Variants in UGT1A6 observed in about 807,000 individuals in gnomAD.
UGT1A6 encodes UDP-glucuronosyltransferase 1A6.
A neutral mutation model predicts 44.4 loss-of-function variants in UGT1A6; 32 were observed. The observed-to-expected ratio is 0.72, with a 90% confidence interval of 0.54 to 0.97. The LOEUF (loss-of-function observed/expected upper bound fraction) is 0.97, where lower values mean the gene tolerates loss of function less well. Among genes scored for constraint, UGT1A6 ranks in the 50% least tolerant of loss-of-function variants. The pLI, the probability that UGT1A6 is intolerant of heterozygous loss-of-function variation, is 0.00. For synonymous variants in UGT1A6, 238 were observed against 248.5 expected (o/e 0.96, Z 0.40); for missense variants, 685 against 661.9 (o/e 1.03, Z -0.38).
intron 1 of UGT1A6, among the ~76,000 whole-genome samples, chr2:233,706,759 A>G (rs1474943157): frequency 2.6e-5 from 4 of 152,188 alleles, no homozygotes; most frequent in Non-Finnish European, 5.9e-5. Flanking sequence ...AGTGCCGTAC[A>G]CTGGTATCCA....
At position 233,767,942 on chromosome 2, in the gene UGT1A6, T is replaced by A; in HGVS notation, c.1081+6T>A. On this transcript the variant is annotated splice_donor_region_variant and intron_variant, in intron 3 of 4. Transcript: ENST00000305139. ...ACCCCAAAACGATCTGCTTGGTATG[T>A]TGGGCGGATTGGATGTATAGGTCAA... is the stretch of plus-strand genomic sequence containing the variant. 1 of 1,614,210 alleles carries A rather than the reference T, an allele frequency of 6.2e-7. No individual in the cohort carries two copies. The highest frequency in any genetic ancestry group is 1.3e-5 in the African/African-American group (1 of 75,040).
At chr2:233,694,141 T>G (rs1331885877) in intron 1 of UGT1A6, among the ~76,000 whole-genome samples, 1 of 152,094 alleles carries the variant, frequency 6.6e-6, no homozygotes, top group African/African-American at 2.4e-5. Context: ...GAATGAGCCT[T>G]AGAAATGTCC....
Position 233,712,865 on chromosome 2 carries a change from G to A in UGT1A6, c.861+19000G>A, listed in dbSNP as rs575994883. The A allele has an allele frequency of 2.8e-4, 439 of 1,573,778 alleles. 3 individuals are homozygous for A. In the African/African-American group the frequency reaches 5.2e-3, roughly 19 times the overall value. On this transcript the variant is annotated intron_variant, in intron 1 of 4. Transcript: ENST00000305139. ...AACGGGTAATAAGTAACTGGAGGAGGGCACTCTGTCTTCAATTACATGTTG... is the reference window on the plus strand; with the variant it reads ...AACGGGTAATAAGTAACTGGAGGAGAGCACTCTGTCTTCAATTACATGTTG...
chr2:233,764,106 T>G (rs966057827), intron 1 of UGT1A6, among the ~76,000 whole-genome samples: 1 of 152,214 alleles, frequency 6.6e-6, no homozygotes, highest in Non-Finnish European at 1.5e-5. Flanking sequence ...AAATACAAAA[T>G]TCTTGGTAAA....
At chr2:233,714,225 G>T (rs1207260034) in intron 1 of UGT1A6, among the ~76,000 whole-genome samples, 1 of 152,186 alleles carries the variant, frequency 6.6e-6, no homozygotes, top group Non-Finnish European at 1.5e-5. Flanking sequence ...TTGCTGGCAA[G>T]ATTTTCAGTA....
At chr2:233,750,125 A>G (rs1331571759) in intron 1 of UGT1A6, among the ~76,000 whole-genome samples, 47 of 151,914 alleles carry the variant, frequency 3.1e-4, no homozygotes, top group Admixed American at 3.1e-3. Flanking sequence ...AAGATGTGGG[A>G]AAGTTTGGAA....
intron 1 of UGT1A6, among the ~76,000 whole-genome samples, chr2:233,757,321 C>G (rs1250382430): frequency 6.6e-6 from 1 of 150,460 alleles, no homozygotes; most frequent in Non-Finnish European, 1.5e-5. Context: ...GGCTGGGGCC[C>G]TGAAATGGGA....
rs1278012950 is a variant in UGT1A6, at chr2:233,718,882, G to C, written c.861+25017G>C. The stretch of plus-strand genomic sequence containing the variant: ...GCCACAGGACTGCTGCTCCTCCTCA[G>C]TGTCCAGCCCTGGGCTGAGAGTGGA... On this transcript the variant is annotated intron_variant, in intron 1 of 4. Coordinates refer to ENST00000305139, the MANE Select transcript of UGT1A6 (RefSeq NM_001072.4). 1 of 1,613,978 alleles carries C rather than the reference G, an allele frequency of 6.2e-7. No homozygotes were observed.
At chr2:233,758,762 G>A (rs1375846813) in intron 1 of UGT1A6, among the ~76,000 whole-genome samples, 1 of 152,150 alleles carries the variant, frequency 6.6e-6, no homozygotes, top group Non-Finnish European at 1.5e-5. Flanking sequence ...TGATGTGTAT[G>A]GTTCAAATGT....
At chr2:233,721,058 T>A (rs1412499467) in intron 1 of UGT1A6, among the ~76,000 whole-genome samples, 2 of 152,122 alleles carry the variant, frequency 1.3e-5, no homozygotes, top group African/African-American at 4.8e-5. Flanking sequence ...TTTGTCATAT[T>A]CACTGAATTT....
intron 1 of UGT1A6, among the ~76,000 whole-genome samples, chr2:233,749,698 G>A (rs1694252344): frequency 6.6e-6 from 1 of 151,854 alleles, no homozygotes; most frequent in Non-Finnish European, 1.5e-5. Flanking sequence ...TCTGGTGGGA[G>A]GTGATTGGAT....
At chr2:233,713,510 G>A (rs956773418) in intron 1 of UGT1A6, 1 of 1,613,794 alleles carries the variant, frequency 6.2e-7, no homozygotes, top group African/African-American at 1.3e-5. Flanking sequence ...TGTTTTTCTT[G>A]AGGAACATTC....
At chr2:233,754,387 G>C in intron 1 of UGT1A6, 1 of 304,284 alleles carries the variant, frequency 3.3e-6, no homozygotes, top group South Asian at 3.1e-5. Context: ...ACAAACAGAG[G>C]TCCTATCCGT....
chr2:233,691,742 C>A, upstream of UGT1A6: 1 of 642,198 alleles, frequency 1.6e-6, no homozygotes, highest in Non-Finnish European at 1.9e-6. Flanking sequence ...AAGCAGATAC[C>A]AGGCTTTCTG....
At position 233,729,598 on chromosome 2, in the gene UGT1A6, G is replaced by A. The variant is rs775320084; in HGVS notation, c.861+35733G>A. The A allele has an allele frequency of 6.8e-5, 109 of 1,613,866 alleles. No homozygotes were observed. Among genetic ancestry groups the A allele is most frequent in the East Asian group, 3.1e-4 (14 of 44,894 alleles). ...TTTAACAGACCCCGTTAACCTCTGC[G>A]CGGCAGTGCTGGCTAAGTACCTGTC... On this transcript the variant is annotated intron_variant, in intron 1 of 4. Transcript: ENST00000305139.
intron 1 of UGT1A6, chr2:233,760,643 ACT>A: frequency 6.2e-7 from 1 of 1,614,148 alleles, no homozygotes; most frequent in Non-Finnish European, 8.5e-7. Context: ...ATAAAAAAGG[ACT>A]CTGCTATGCT....
intron 1 of UGT1A6, among the ~76,000 whole-genome samples, chr2:233,736,157 T>C (rs1193555745): frequency 6.6e-6 from 1 of 152,262 alleles, no homozygotes; most frequent in African/African-American, 2.4e-5. Flanking sequence ...CAGTCAAACG[T>C]AGATTTGGTC....
chr2:233,695,332 G>A (rs1375562980), intron 1 of UGT1A6, among the ~76,000 whole-genome samples: 1 of 151,752 alleles, frequency 6.6e-6, no homozygotes, highest in African/African-American at 2.4e-5. Flanking sequence ...CACCACGTTG[G>A]CCAGGATGGT....
At chr2:233,747,722 G>GT (rs574078556) in intron 1 of UGT1A6, 82 of 1,612,726 alleles carry the variant, frequency 5.1e-5, no homozygotes, top group Admixed American at 1.2e-4. Flanking sequence ...TTCCTGCTGT[G>GT]TTTTTTTTGA....
Sources: gnomAD v4.1 joint callset for allele counts (sites outside exome capture counted in the v4.1 genomes callset) on GRCh38, gnomAD v4.1.1 for gene constraint, MANE v1.5 for transcripts, NCBI Gene and HGNC (gene_info 2026-07-23, HGNC 2026-07-21) for gene names.